The following LCORL variants were observed in gnomAD, a reference collection of about 807,000 sequenced individuals.
LCORL encodes the protein ligand dependent nuclear receptor corepressor like.
A neutral mutation model predicts 141.8 loss-of-function variants in LCORL; 41 were observed. That is an observed-to-expected ratio of 0.29 (90% CI 0.23 to 0.38). The LOEUF is 0.38. LCORL is among the 10% of genes least tolerant of loss of function. LCORL has a pLI of 1.00. For missense variants in LCORL, 1,759 were observed against 2,035.0 expected (o/e 0.86, Z 2.61); for synonymous variants, 618 against 694.1 (o/e 0.89, Z 1.72).
chr4:18,014,724 G>A lies in LCORL; in HGVS notation c.154+6874C>T, dbSNP rs544506211. On this transcript the variant is annotated intron_variant, in intron 1 of 7. Coordinates refer to ENST00000635767, the Ensembl canonical transcript of LCORL. The stretch of plus-strand genomic sequence containing the variant: ...AAAATTTTTATTTTGCTTTAATTAA[G>A]AACAAAGTGGTATTCTTCAAATACA... 1.6e-4 allele frequency among the ~76,000 whole-genome samples: 25 copies of A among 152,264 alleles called. 1 individual carries two copies. The South Asian group carries it at 4.1e-3, about 25-fold the overall frequency.
At chr4:18,004,492 A>C (rs1577708200) in intron 1 of LCORL, among the ~76,000 whole-genome samples, 1 of 152,282 alleles carries the variant, frequency 6.6e-6, no homozygotes, top group East Asian at 1.9e-4. Context: ...CTCATTCACT[A>C]TCATGAGAAC....
At chr4:17,964,866 CTTTT>C (rs1553878210) in intron 2 of LCORL, among the ~76,000 whole-genome samples, 20 of 141,532 alleles carry the variant, frequency 1.4e-4, no homozygotes, top group Admixed American at 1.3e-3. Context: ...TCTTACTGCC[CTTTT>C]TTTTTTTTTT....
At chr4:17,845,174 C>A (rs1722793165) in exon 8 of LCORL, 1 of 152,514 alleles carries the variant, frequency 6.6e-6, no homozygotes, top group South Asian at 2.1e-4. Flanking sequence ...AGAGAAAGAA[C>A]TGATAAGCTC....
chr4:17,848,128 C>G (rs1316170044), intron 7 of LCORL, among the ~76,000 whole-genome samples: 1 of 151,738 alleles, frequency 6.6e-6, no homozygotes, highest in African/African-American at 2.4e-5. Flanking sequence ...TACACAGATC[C>G]CACAGGTGCA....
At chr4:17,974,085 C>G (rs974975175) in intron 1 of LCORL, among the ~76,000 whole-genome samples, 4 of 152,148 alleles carry the variant, frequency 2.6e-5, no homozygotes, top group Middle Eastern at 3.4e-3. Context: ...GAGACTCAGA[C>G]AGATTAAGCC....
At position 17,993,235 on chromosome 4, in the gene LCORL, C is replaced by CA. The variant is rs937617346; in HGVS notation, c.155-20351dup. Among the ~76,000 whole-genome samples the CA allele has an allele frequency of 8.5e-5, 13 of 152,282 alleles. No individual in the cohort carries two copies. The Middle Eastern group carries it at 0.014, about 159-fold the overall frequency. On this transcript the variant is annotated intron_variant, in intron 1 of 7. Transcript: ENST00000635767. ...AATTTATTTATTTTAGACAGACTCT[C>CA]ACTCTGTCGCCCAGGCTGGAGTGCA...
At chr4:17,878,117 C>T (rs1240366645) in exon 7 of LCORL, 1 of 1,230,394 alleles carries the variant, frequency 8.1e-7, no homozygotes, top group Non-Finnish European at 1.0e-6. Flanking sequence ...AAACTTGTTG[C>T]TGGTGATGTA....
intron 2 of LCORL, among the ~76,000 whole-genome samples, chr4:17,964,867 T>C (rs201788319): frequency 0.1 from 12,473 of 125,100 alleles, 1,397 homozygotes; most frequent in African/African-American, 0.3. Flanking sequence ...CTTACTGCCC[T>C]TTTTTTTTTT....
chr4:17,911,605 T>C, intron 4 of LCORL: 1 of 398,834 alleles, frequency 2.5e-6, no homozygotes, highest in East Asian at 6.8e-5. Flanking sequence ...AAATCAGCAG[T>C]TTAAAAATGG....
At chr4:17,862,324 C>G (rs1725107466) in intron 7 of LCORL, among the ~76,000 whole-genome samples, 1 of 152,176 alleles carries the variant, frequency 6.6e-6, no homozygotes, top group Non-Finnish European at 1.5e-5. Flanking sequence ...AAAACTTCCC[C>G]TTATAATAAC....
chr4:17,917,924 G>C (rs1373985251), intron 4 of LCORL, among the ~76,000 whole-genome samples: 7 of 150,392 alleles, frequency 4.7e-5, no homozygotes, highest in African/African-American at 1.8e-4. Context: ...CCTTTGCGCT[G>C]AAGTTACAGG....
At chr4:17,886,029 T>A in intron 6 of LCORL, 39 bp downstream of exon 6, 2 of 1,057,104 alleles carry the variant, frequency 1.9e-6, no homozygotes, top group Non-Finnish European at 2.8e-6. Context: ...GAGATAATTT[T>A]ATATTAATAT....
chr4:17,867,106 G>T, intron 7 of LCORL: 1 of 274,560 alleles, frequency 3.6e-6, no homozygotes. Context: ...GCTGGATAAA[G>T]ACAGATATTG....
At chr4:17,906,665 C>A (rs1731670629) in intron 5 of LCORL, among the ~76,000 whole-genome samples, 1 of 150,234 alleles carries the variant, frequency 6.7e-6, no homozygotes, top group Non-Finnish European at 1.5e-5. Context: ...GATCTAAGGA[C>A]TGGAAATTTA....
chr4:17,967,657 T>G (rs568793789), intron 2 of LCORL, among the ~76,000 whole-genome samples: 4 of 152,190 alleles, frequency 2.6e-5, no homozygotes, highest in African/African-American at 9.7e-5. Flanking sequence ...ATCAAAAAGA[T>G]GCACTACAAT....
intron 4 of LCORL, chr4:17,913,109 C>T (rs993234824): frequency 5.3e-6 from 1 of 189,352 alleles, no homozygotes; most frequent in African/African-American, 2.4e-5. Flanking sequence ...GGAACATCCG[C>T]ATCAATTTGT....
rs934824065 is a variant in LCORL, at chr4:17,950,120, C to T, written c.430+11783G>A. ...TGTAAAGATGATATTAAGCTAAAACCTTTTTTAGTATACCACTTGAAAAAC... is the reference window on the plus strand; with the variant it reads ...TGTAAAGATGATATTAAGCTAAAACTTTTTTTAGTATACCACTTGAAAAAC... On this transcript the variant is annotated intron_variant, in intron 4 of 7. Transcript: ENST00000635767. Among the ~76,000 whole-genome samples, 3 of 151,900 alleles carry T rather than the reference C, an allele frequency of 2.0e-5. No individual in the cohort carries two copies. In the South Asian group the frequency reaches 6.2e-4, roughly 32 times the overall value.
chr4:17,884,078 A>G lies in LCORL; in HGVS notation c.776+1990T>C, dbSNP rs1204326889. The stretch of plus-strand genomic sequence containing the variant: ...TTTAGAATTAAGACACAAAGGAGAG[A>G]GGTCCCCATGTAGAAAGTAAGAGTC... On this transcript the variant is annotated intron_variant, in intron 6 of 7. Coordinates refer to ENST00000635767, the Ensembl canonical transcript of LCORL. The surrounding 1 kb of genome is among the most constrained non-coding windows in gnomAD (Gnocchi z 4.4). The G allele has an allele frequency of 7.1e-6, 11 of 1,550,552 alleles. No individual in the cohort carries two copies. The highest frequency in any genetic ancestry group is 1.4e-5 in the African/African-American group (1 of 72,936).
chr4:17,960,877 T>C (rs952286393), intron 4 of LCORL, among the ~76,000 whole-genome samples: 1 of 150,926 alleles, frequency 6.6e-6, no homozygotes, highest in Non-Finnish European at 1.5e-5. Flanking sequence ...TTAAAAATTA[T>C]AGTTCTTAAT....
Sources: allele counts gnomAD v4.1 joint callset (sites outside exome capture counted in the v4.1 genomes callset), GRCh38; gene constraint gnomAD v4.1.1; non-coding constraint Gnocchi (gnomAD v3.1); transcripts MANE v1.5; gene names NCBI Gene and HGNC (gene_info 2026-07-23, HGNC 2026-07-21).